The following NCK2 variants were observed in gnomAD, a reference collection of about 807,000 sequenced individuals.
NCK2 encodes the protein cytoplasmic protein NCK2.
NCK2 carries 16 observed loss-of-function variants against 33.9 expected under a neutral mutation model. The ratio of observed to expected loss-of-function variants is 0.47; its 90% CI spans 0.32 to 0.72. NCK2 has a LOEUF of 0.72. Ranked by LOEUF, NCK2 falls within the 30% of genes least tolerant of loss-of-function variation. NCK2 has a pLI of 0.03. For missense variants in NCK2, 418 were observed against 537.3 expected (o/e 0.78, Z 2.19); for synonymous variants, 273 against 239.9 (o/e 1.14, Z -1.27).
Position 105,881,285 on chromosome 2 carries a change from G to A in NCK2, c.227-43G>A, listed in dbSNP as rs1002685698. On this transcript the variant is annotated intron_variant, in intron 3 of 4. Coordinates refer to ENST00000233154, the MANE Select transcript of NCK2 (RefSeq NM_003581.5). ...CCGGTAGGCTAGGGAGTGTGGTGGT[G>A]CCCAAGTGCCCTGCGCCACTGAGCC... The A allele has an allele frequency of 3.9e-6, 6 of 1,539,288 alleles. No homozygotes were observed. In the African/African-American group the frequency reaches 8.2e-5, roughly 21 times the overall value.
intron 1 of NCK2, among the ~76,000 whole-genome samples, chr2:105,785,684 G>T (rs1158109184): frequency 6.6e-6 from 1 of 152,198 alleles, no homozygotes; most frequent in Non-Finnish European, 1.5e-5. Context: ...CCCAGCCAGG[G>T]AGTCTGGGGC....
intron 1 of NCK2, among the ~76,000 whole-genome samples, chr2:105,792,218 C>G (rs1262838153): frequency 7.9e-5 from 12 of 152,172 alleles, no homozygotes; most frequent in Admixed American, 7.9e-4. Flanking sequence ...TCTGATGGCC[C>G]TTTCAGCTAT....
At chr2:105,879,176 A>G (rs767818418) in intron 3 of NCK2, among the ~76,000 whole-genome samples, 4 of 152,210 alleles carry the variant, frequency 2.6e-5, no homozygotes, top group African/African-American at 9.6e-5. Context: ...TGTAATTCAC[A>G]TGTTTGCAAA....
At chr2:105,864,692 G>A (rs1467841025) in intron 3 of NCK2, among the ~76,000 whole-genome samples, 5 of 152,090 alleles carry the variant, frequency 3.3e-5, no homozygotes, top group Non-Finnish European at 7.4e-5. Context: ...CAGCTGATTA[G>A]GTACCTCAGC....
In NCK2 at chr2:105,893,233, C is replaced by A; in HGVS notation, c.*57C>A. On this transcript the variant is annotated 3_prime_UTR_variant, in exon 5 of 5. Coordinates refer to ENST00000233154, the MANE Select transcript of NCK2 (RefSeq NM_003581.5). ...CCCCACGGTGGAGCTGCCCGCCCGG[C>A]CTTGTGGCAGAGGCTCCTCCCGCGG... 1 of 1,490,236 alleles carries A rather than the reference C, an allele frequency of 6.7e-7. No individual in the cohort carries two copies. The highest frequency in any genetic ancestry group is 9.0e-7 in the Non-Finnish European group (1 of 1,110,818). 92.3% of individuals were successfully genotyped at this position (1,490,236 alleles called of 1,614,324 possible).
intron 2 of NCK2, among the ~76,000 whole-genome samples, chr2:105,823,621 A>G (rs191050694): frequency 3.9e-4 from 60 of 152,122 alleles, no homozygotes; most frequent in Middle Eastern, 6.8e-3. Context: ...AACAAAGAGT[A>G]TATTAACAAG....
In NCK2 at chr2:105,779,644, C is replaced by T. The variant is rs1004673285; in HGVS notation, c.-201+34506C>T. Among the ~76,000 whole-genome samples the T allele has an allele frequency of 8.6e-5, 13 of 151,996 alleles. No homozygotes were observed. The East Asian group carries it at 1.5e-3, about 18-fold the overall frequency. The stretch of plus-strand genomic sequence containing the variant: ...CAGATGGAAAGGAGAGCTTGCTCTC[C>T]GCCCACGGGAGACGTATGCAGGTGG... On this transcript the variant is annotated intron_variant, in intron 1 of 4. Coordinates refer to ENST00000233154, the MANE Select transcript of NCK2 (RefSeq NM_003581.5).
chr2:105,888,470 A>G (rs987391128), intron 4 of NCK2, among the ~76,000 whole-genome samples: 2 of 152,204 alleles, frequency 1.3e-5, no homozygotes, highest in Non-Finnish European at 2.9e-5. Context: ...AAGAGGAGAA[A>G]TCAAAGGGGA....
rs1675276479 is a variant in NCK2, at chr2:105,811,018, AC to A, written c.-200-5411del. ...GTGAAACCCCGTCTCTACTAAAAAT[AC>A]AAAAAAGTAGCTGGGTGTGGTGGGG... is the stretch of plus-strand genomic sequence containing the variant. On this transcript the variant is annotated intron_variant, in intron 1 of 4. Transcript: ENST00000233154. 2.0e-5 allele frequency among the ~76,000 whole-genome samples: 3 copies of A among 152,130 alleles called. No individual in the cohort carries two copies. In the South Asian group the frequency reaches 6.2e-4, roughly 31 times the overall value.
chr2:105,884,243 C>G (rs1173368000), intron 4 of NCK2, among the ~76,000 whole-genome samples: 1 of 151,874 alleles, frequency 6.6e-6, no homozygotes, highest in Non-Finnish European at 1.5e-5. Flanking sequence ...TTTTTTCCCA[C>G]CATCCACTGC....
intron 3 of NCK2, among the ~76,000 whole-genome samples, chr2:105,869,011 A>T (rs1249322148): frequency 6.6e-6 from 1 of 152,160 alleles, no homozygotes. Flanking sequence ...GCTCCAGAGC[A>T]CTTATGTCTC....
At chr2:105,781,922 C>G (rs1484999328) in intron 1 of NCK2, among the ~76,000 whole-genome samples, 1 of 152,158 alleles carries the variant, frequency 6.6e-6, no homozygotes, top group Non-Finnish European at 1.5e-5. Flanking sequence ...GCCGTAAATG[C>G]TTTTAACTGA....
chr2:105,836,782 G>A (rs1185417410), intron 2 of NCK2, among the ~76,000 whole-genome samples: 2 of 152,152 alleles, frequency 1.3e-5, no homozygotes, highest in African/African-American at 4.8e-5. Context: ...CCAGGGATGT[G>A]GAGATGCTGG....
intron 2 of NCK2, among the ~76,000 whole-genome samples, chr2:105,818,688 G>A (rs77654999): frequency 0.018 from 2,703 of 152,130 alleles, 79 homozygotes; most frequent in African/African-American, 0.061. Context: ...GTGGACATTT[G>A]TATAAAAAAA....
intron 1 of NCK2, among the ~76,000 whole-genome samples, chr2:105,793,369 TA>T (rs1690962029): frequency 1.3e-5 from 2 of 152,182 alleles, no homozygotes; most frequent in African/African-American, 4.8e-5. Context: ...ATAATGAAGT[TA>T]AAGGTTCTTC....
intron 3 of NCK2, among the ~76,000 whole-genome samples, chr2:105,873,058 C>T (rs1013295905): frequency 1.3e-5 from 2 of 152,234 alleles, no homozygotes; most frequent in African/African-American, 4.8e-5. Flanking sequence ...CCTTCCATAT[C>T]CCACACCCCC....
intron 1 of NCK2, among the ~76,000 whole-genome samples, chr2:105,752,274 CATT>C (rs1689478047): frequency 6.6e-6 from 1 of 152,100 alleles, no homozygotes; most frequent in African/African-American, 2.4e-5. Flanking sequence ...TTATAATGGT[CATT>C]ATTATTATGC....
chr2:105,872,376 A>C lies in NCK2; in HGVS notation c.227-8952A>C, dbSNP rs141256020. ...AATGGCTCTGAGTCCTTCTGCTCAC[A>C]GCCGTGGTGTAGCCTGTCTTCCTTG... On this transcript the variant is annotated intron_variant, in intron 3 of 4. Coordinates refer to ENST00000233154, the MANE Select transcript of NCK2 (RefSeq NM_003581.5). Among the ~76,000 whole-genome samples the C allele has an allele frequency of 2.6e-3, 396 of 152,236 alleles. 1 individual carries two copies. Among genetic ancestry groups the C allele is most frequent in the African/African-American group, 8.5e-3 (351 of 41,530 alleles).
chr2:105,775,043 A>G (rs529902570), intron 1 of NCK2, among the ~76,000 whole-genome samples: 1 of 152,276 alleles, frequency 6.6e-6, no homozygotes, highest in African/African-American at 2.4e-5. Context: ...AATAATAATA[A>G]TAATTACCAG....
Sources: gnomAD v4.1 joint callset for allele counts (sites outside exome capture counted in the v4.1 genomes callset) on GRCh38, gnomAD v4.1.1 for gene constraint, MANE v1.5 for transcripts, NCBI Gene and HGNC (gene_info 2026-07-23, HGNC 2026-07-21) for gene names.